Variants in PLPP4 observed in about 807,000 individuals in gnomAD.
PLPP4 encodes phospholipid phosphatase 4.
Under a neutral mutation model 32.2 loss-of-function variants are expected in PLPP4, and 20 were observed. The ratio of observed to expected loss-of-function variants is 0.62; its 90% CI spans 0.44 to 0.90. PLPP4 has a LOEUF of 0.90. Among genes scored for constraint, PLPP4 ranks in the 40% least tolerant of loss-of-function variants. The pLI is 0.00. For missense variants in PLPP4, 257 were observed against 353.1 expected (o/e 0.73, Z 2.18); for synonymous variants, 127 against 133.0 (o/e 0.95, Z 0.31).
At chr10:120,488,378 C>G (rs1844559456) in intron 1 of PLPP4, among the ~76,000 whole-genome samples, 1 of 152,186 alleles carries the variant, frequency 6.6e-6, no homozygotes, top group Admixed American at 6.5e-5. Context: ...ATATGCCAGT[C>G]ATTGCATTTA....
intron 5 of PLPP4, among the ~76,000 whole-genome samples, chr10:120,560,039 A>G (rs1848346232): frequency 1.3e-5 from 2 of 152,172 alleles, no homozygotes; most frequent in Non-Finnish European, 2.9e-5. Context: ...GATCACCTTC[A>G]CGTGAGCAGT....
At chr10:120,463,175 C>T (rs548189481) in intron 1 of PLPP4, among the ~76,000 whole-genome samples, 4 of 151,794 alleles carry the variant, frequency 2.6e-5, no homozygotes, top group South Asian at 2.1e-4. Flanking sequence ...TACAGGTGCC[C>T]GCCACCACGC....
chr10:120,476,024 C>T (rs1843887850), intron 1 of PLPP4, among the ~76,000 whole-genome samples: 1 of 152,166 alleles, frequency 6.6e-6, no homozygotes. Flanking sequence ...CTGTGCCAGG[C>T]CCAGGGAACA....
intron 5 of PLPP4, among the ~76,000 whole-genome samples, chr10:120,561,228 T>C (rs1295884277): frequency 6.6e-6 from 1 of 152,244 alleles, no homozygotes; most frequent in East Asian, 1.9e-4. Context: ...TTATATCTTT[T>C]TAAACACATG....
chr10:120,470,479 C>G (rs1848467942), intron 1 of PLPP4, among the ~76,000 whole-genome samples: 1 of 152,122 alleles, frequency 6.6e-6, no homozygotes, highest in Admixed American at 6.5e-5. Context: ...GTTTCAGTTT[C>G]AGTCCTATTT....
chr10:120,568,006 G>A (rs1192253024), intron 5 of PLPP4, among the ~76,000 whole-genome samples: 1 of 152,158 alleles, frequency 6.6e-6, no homozygotes. Flanking sequence ...GGAAATCTTG[G>A]AAAGCCACCT....
At position 120,480,354 on chromosome 10, in the gene PLPP4, C is replaced by G. The variant is rs193249072; in HGVS notation, c.56+22993C>G. 7.0e-3 allele frequency among the ~76,000 whole-genome samples: 1,063 copies of G among 152,246 alleles called. 9 individuals carry two copies. The highest frequency in any genetic ancestry group is 0.012 in the Non-Finnish European group (822 of 68,014). The stretch of plus-strand genomic sequence containing the variant: ...TCTGGTGCAGGCTGGGGAGGCTGTC[C>G]AGGGCCATGCCTCAGGACCCTGAAT... On this transcript the variant is annotated intron_variant, in intron 1 of 6. Coordinates refer to ENST00000398250, the MANE Select transcript of PLPP4 (RefSeq NM_001030059.3).
intron 1 of PLPP4, among the ~76,000 whole-genome samples, chr10:120,467,775 G>C (rs565225057): frequency 3.1e-5 from 2 of 64,718 alleles, no homozygotes; most frequent in African/African-American, 6.6e-5. Context: ...TACATATGCA[G>C]GTTTGTTACA....
rs1417962857 is a variant in PLPP4, at chr10:120,589,994, CAT to C, written c.*494_*495del. ...GAACCTTTCTGAGCCATCAGCTTCT[CAT>C]AGCCCACGTCTCTAAAATAGATTTG... is the stretch of plus-strand genomic sequence containing the variant. On this transcript the variant is annotated 3_prime_UTR_variant, in exon 7 of 7. Coordinates refer to ENST00000398250, the MANE Select transcript of PLPP4 (RefSeq NM_001030059.3). The C allele has an allele frequency of 6.5e-6, 1 of 152,884 alleles. No homozygotes were observed. The highest frequency in any genetic ancestry group is 1.5e-5 in the Non-Finnish European group (1 of 68,564). The allele number at this position is 152,884 out of a possible 1,614,324, so 9.5% of individuals were successfully genotyped here. A position where few individuals can be genotyped will look rare whatever the true frequency, so the allele number is the denominator to read the frequency against.
At chr10:120,537,992 TTCTCTCTCTCTCTCTCTCTC>T (rs1158226991) in intron 5 of PLPP4, among the ~76,000 whole-genome samples, 278 of 19,054 alleles carry the variant, frequency 0.015, 5 homozygotes, top group Admixed American at 0.021. Flanking sequence ...ACCAGGCCCT[TTCTCTCTCTCTCTCTCTCTC>T]TCTCTCTCTC....
Position 120,468,688 on chromosome 10 carries a change from A to C in PLPP4, c.56+11327A>C, listed in dbSNP as rs1302433823. On this transcript the variant is annotated intron_variant, in intron 1 of 6. Transcript: ENST00000398250. The stretch of plus-strand genomic sequence containing the variant: ...ATATTCCAGGATAGGGCACTGAATG[A>C]TTTTTTTGTGTTTGCTTTAGAAATA... 1.5e-4 allele frequency among the ~76,000 whole-genome samples: 10 copies of C among 65,472 alleles called. 2 individuals carry two copies. Among genetic ancestry groups the C allele is most frequent in the African/African-American group, 3.2e-4 (10 of 30,838 alleles). The allele number at this position is 65,472 out of a possible 152,430, so 43.0% of individuals were successfully genotyped here.
chr10:120,509,229 C>T (rs1845627161), intron 2 of PLPP4, among the ~76,000 whole-genome samples: 1 of 152,186 alleles, frequency 6.6e-6, no homozygotes, highest in South Asian at 2.1e-4. Context: ...ATAATACTTG[C>T]CATGGATATT....
chr10:120,587,393 T>C (rs1284156197), intron 6 of PLPP4: 2 of 152,244 alleles, frequency 1.3e-5, no homozygotes, highest in South Asian at 2.1e-4. Flanking sequence ...CTGAAACTTA[T>C]GCTGCCATCA....
At chr10:120,505,805 A>G (rs935343168) in intron 2 of PLPP4, among the ~76,000 whole-genome samples, 2 of 152,214 alleles carry the variant, frequency 1.3e-5, no homozygotes, top group African/African-American at 4.8e-5. Context: ...TATTCTATAA[A>G]TCCTAGATAT....
chr10:120,499,221 G>T (rs60288721), intron 1 of PLPP4, among the ~76,000 whole-genome samples: 14,929 of 152,190 alleles, frequency 0.098, 802 homozygotes, highest in Middle Eastern at 0.22. Flanking sequence ...AAGCTACTAA[G>T]GCTGGCAGGG....
chr10:120,543,922 A>G (rs112354231), intron 5 of PLPP4, among the ~76,000 whole-genome samples: 2,163 of 152,324 alleles, frequency 0.014, 56 homozygotes, highest in African/African-American at 0.049. Flanking sequence ...GGATGCATCC[A>G]TGTTGTAGCA....
chr10:120,463,064 C>T (rs1848136962), intron 1 of PLPP4, among the ~76,000 whole-genome samples: 1 of 147,808 alleles, frequency 6.8e-6, no homozygotes, highest in South Asian at 2.2e-4. Flanking sequence ...CACTCTGTCA[C>T]CCAGCCTGGA....
intron 1 of PLPP4, among the ~76,000 whole-genome samples, chr10:120,484,389 A>C (rs1465194684): frequency 1.3e-5 from 2 of 152,180 alleles, no homozygotes; most frequent in Non-Finnish European, 2.9e-5. Context: ...GTATTGGTGC[A>C]TGTTTCTGGA....
At chr10:120,486,262 G>GT (rs879767030) in intron 1 of PLPP4, among the ~76,000 whole-genome samples, 124 of 42,994 alleles carry the variant, frequency 2.9e-3, no homozygotes, top group Middle Eastern at 0.015. Context: ...TTTCATTTAA[G>GT]TTTTTTTTTT....
Sources: allele counts gnomAD v4.1 joint callset (sites outside exome capture counted in the v4.1 genomes callset), GRCh38; gene constraint gnomAD v4.1.1; transcripts MANE v1.5; gene names NCBI Gene and HGNC (gene_info 2026-07-23, HGNC 2026-07-21).